The following AGGF1 variants were observed in gnomAD, a reference collection of about 807,000 sequenced individuals.
AGGF1 encodes the protein angiogenic factor with G-patch and FHA domains 1.
A neutral mutation model predicts 86.5 loss-of-function variants in AGGF1; 56 were observed. The observed-to-expected ratio is 0.65, with a 90% CI of 0.52 to 0.81. The LOEUF (loss-of-function observed/expected upper bound fraction) is 0.81, where lower values mean the gene tolerates loss of function less well. Among genes scored for constraint, AGGF1 ranks in the 30% least tolerant of loss-of-function variants. The pLI is 0.00. For missense variants in AGGF1, 816 were observed against 850.9 expected (o/e 0.96, Z 0.51); for synonymous variants, 313 against 297.1 (o/e 1.05, Z -0.55).
Position 77,030,464 on chromosome 5 carries a change from C to G in AGGF1, c.-303C>G. 1.7e-6 allele frequency: 1 copy of G among 583,350 alleles called. No individual in the cohort carries two copies. The highest frequency in any genetic ancestry group is 3.2e-6 in the Non-Finnish European group (1 of 309,844). 36.1% of individuals were successfully genotyped at this position (583,350 alleles called of 1,614,324 possible). A position where few individuals can be genotyped will look rare whatever the true frequency, so the allele number is the denominator to read the frequency against. The stretch of plus-strand genomic sequence containing the variant: ...GCTCTTCTGGCCTCTGGTTTTCCGA[C>G]TGCTTATCCGACGCTCCTCCCTCTG... On this transcript the variant is annotated 5_prime_UTR_variant, in exon 1 of 14. Transcript: ENST00000312916.
intron 11 of AGGF1, among the ~76,000 whole-genome samples, chr5:77,057,169 A>G (rs899241617): frequency 6.6e-6 from 1 of 152,206 alleles, no homozygotes; most frequent in African/African-American, 2.4e-5. Context: ...GGGAATGTAA[A>G]ATGGTGCGGT....
intron 3 of AGGF1, 44 bp downstream of exon 3, chr5:77,035,787 G>A (rs759381259): frequency 5.3e-6 from 8 of 1,522,760 alleles, no homozygotes; most frequent in Non-Finnish European, 7.3e-6. Flanking sequence ...CCAAGAACCT[G>A]TCCTTCTTTG....
At position 77,030,902 on chromosome 5, in the gene AGGF1, A is replaced by G. The variant is rs747837210; in HGVS notation, c.136A>G (p.Ile46Val). 1.2e-5 allele frequency: 20 copies of G among 1,613,382 alleles called. No homozygotes were observed. Among genetic ancestry groups the G allele is most frequent in the Non-Finnish European group, 1.6e-5 (19 of 1,179,992 alleles). The stretch of plus-strand genomic sequence containing the variant: ...GAGCTGCAAGCGGCAGGTGCGGGAG[A>G]TCGAGAAGCTGCTGCATCACACAGA... ...LRSCKRQVRE[I>V]EKLLHHTERL... The change falls in exon 1 of 14, where the codon ATC becomes GTC. Residue 46 changes from isoleucine to valine, a missense_variant. By Grantham distance (29) the Ile-to-Val change is conservative. Around this residue, in one of 3 missense-constraint regions of AGGF1, gnomAD observed 240 missense variants for 234.4 expected, o/e 1.02. Coordinates refer to ENST00000312916, the MANE Select transcript of AGGF1 (RefSeq NM_018046.5).
intron 5 of AGGF1, among the ~76,000 whole-genome samples, chr5:77,042,223 C>T (rs2150729409): frequency 6.6e-6 from 1 of 151,702 alleles, no homozygotes; most frequent in Middle Eastern, 3.4e-3. Flanking sequence ...TCTACACAGA[C>T]ACGGCAACCA....
At chr5:77,040,714 G>A (rs1413255055) in intron 5 of AGGF1, among the ~76,000 whole-genome samples, 2 of 152,100 alleles carry the variant, frequency 1.3e-5, no homozygotes, top group African/African-American at 4.8e-5. Flanking sequence ...TATAAAGGAG[G>A]CTTGTTTGTT....
intron 1 of AGGF1, among the ~76,000 whole-genome samples, chr5:77,032,246 A>AGTCATTGCAACTCAACAGT (rs1746868110): frequency 1.0e-5 from 1 of 99,866 alleles, no homozygotes. Flanking sequence ...GAAAATACAA[A>AGTCATTGCAACTCAACAGT]TATGGTAAAA....
intron 6 of AGGF1, among the ~76,000 whole-genome samples, chr5:77,047,679 A>G (rs1424975829): frequency 6.6e-6 from 1 of 151,974 alleles, no homozygotes; most frequent in Non-Finnish European, 1.5e-5. Context: ...ACGCACACCC[A>G]GCTAATTTTT....
At chr5:77,040,359 C>T (rs1747051269) in intron 5 of AGGF1, among the ~76,000 whole-genome samples, 1 of 151,638 alleles carries the variant, frequency 6.6e-6, no homozygotes, top group South Asian at 2.1e-4. Flanking sequence ...ATCCTCCTGC[C>T]TCTGCCTCCC....
At chr5:77,032,919 C>T (rs1230139421) in intron 1 of AGGF1, among the ~76,000 whole-genome samples, 1 of 151,220 alleles carries the variant, frequency 6.6e-6, no homozygotes, top group Non-Finnish European at 1.5e-5. Context: ...TCAATGTTCA[C>T]GTGGATTTAG....
At chr5:77,041,763 C>A in intron 5 of AGGF1, among the ~76,000 whole-genome samples, 1 of 147,500 alleles carries the variant, frequency 6.8e-6, no homozygotes. Context: ...TGAAAATGTG[C>A]GAATTCCAAG....
chr5:77,041,241 G>C (rs112529609), intron 5 of AGGF1, among the ~76,000 whole-genome samples: 1 of 151,878 alleles, frequency 6.6e-6, no homozygotes, highest in Non-Finnish European at 1.5e-5. Context: ...TTAATGGCTT[G>C]TGCTTGTTAC....
At chr5:77,049,991 T>C (rs2150732631) in intron 8 of AGGF1, among the ~76,000 whole-genome samples, 1 of 152,274 alleles carries the variant, frequency 6.6e-6, no homozygotes, top group South Asian at 2.1e-4. Flanking sequence ...TTTAACGGAC[T>C]GTAATGTGGA....
chr5:77,048,030 G>T, intron 6 of AGGF1, 131 bp from the exon 7 acceptor site: 1 of 703,700 alleles, frequency 1.4e-6, no homozygotes, highest in South Asian at 1.5e-5. Flanking sequence ...CAGAATTTAA[G>T]AAGTTTGTTT....
At position 77,035,685 on chromosome 5, in the gene AGGF1, C is replaced by T. The variant is rs557886707; in HGVS notation, c.458C>T (p.Thr153Ile). 6.2e-7 allele frequency: 1 copy of T among 1,613,568 alleles called. No homozygotes were observed. Among genetic ancestry groups the T allele is most frequent in the Non-Finnish European group, 8.5e-7 (1 of 1,179,736 alleles). Residue 153 changes from threonine (T) to isoleucine (I), a missense_variant, in exon 3 of 14, where the codon ACC becomes ATC. This residue lies in a region of AGGF1 where 240 missense variants were observed against 234.4 expected (regional missense o/e 1.02). Transcript: ENST00000312916. ...GTAGAAAATGATGCTTACCCTGGTA[C>T]CGATAGAACAGAAAATGTTAAATAT... ...LQVENDAYPGTDRTENVKYRQ... is the reference protein window; with the variant it reads ...LQVENDAYPGIDRTENVKYRQ...
In AGGF1 at chr5:77,053,564, TAAGAGTA is replaced by T. The variant is rs1242892951; in HGVS notation, c.1468-398_1468-392del. Among the ~76,000 whole-genome samples, 20 of 152,240 alleles carry T rather than the reference TAAGAGTA, an allele frequency of 1.3e-4. No individual in the cohort carries two copies. The East Asian group carries it at 3.7e-3, about 28-fold the overall frequency. Reference sequence around the variant, plus strand: ...GGCGGGAGGCCTTATTCTTAGTCTGTAAGAGTAAAAATGGAAATAAAACTGAGTTATC... The same window carrying T: ...GGCGGGAGGCCTTATTCTTAGTCTGTAAAATGGAAATAAAACTGAGTTATC... On this transcript the variant is annotated intron_variant, in intron 9 of 13. Coordinates refer to ENST00000312916, the MANE Select transcript of AGGF1 (RefSeq NM_018046.5).
chr5:77,048,447 G>A (rs529918180), intron 7 of AGGF1, among the ~76,000 whole-genome samples, 175 bp downstream of exon 7: 62 of 152,272 alleles, frequency 4.1e-4, no homozygotes, highest in Admixed American at 1.1e-3. Flanking sequence ...CGCCTCCTGG[G>A]TTCAAGCAGT....
chr5:77,043,408 G>T (rs867001650), intron 5 of AGGF1, among the ~76,000 whole-genome samples: 3 of 56,174 alleles, frequency 5.3e-5, no homozygotes, highest in Admixed American at 1.6e-4. Context: ...GGGCAGAGGG[G>T]CTCCTCACTT....
Position 77,030,960 on chromosome 5 carries a change from A to G in AGGF1, c.194A>G (p.Gln65Arg). Residue 65 changes from glutamine to arginine, a missense_variant, in exon 1 of 14, where the codon CAG (glutamine) becomes CGG (arginine). This residue lies in a region of AGGF1 where 240 missense variants were observed against 234.4 expected (regional missense o/e 1.02). Transcript: ENST00000312916. Reference protein sequence around the residue: ...RLYQNAESNNQELRTQVEELS... With the variant: ...RLYQNAESNNRELRTQVEELS... The stretch of plus-strand genomic sequence containing the variant: ...TACCAGAACGCAGAAAGCAACAACC[A>G]GGAGCTCCGCACGCAGGTGCGCGGT... 6.2e-7 allele frequency: 1 copy of G among 1,612,424 alleles called. No individual in the cohort carries two copies. Among genetic ancestry groups the G allele is most frequent in the Non-Finnish European group, 8.5e-7 (1 of 1,179,972 alleles).
At chr5:77,052,905 A>G (rs1747400284) in intron 9 of AGGF1, 98 bp downstream of exon 9, 1 of 1,020,532 alleles carries the variant, frequency 9.8e-7, no homozygotes, top group South Asian at 1.4e-5. Flanking sequence ...GGTTCAGAGT[A>G]GAGTTAAGCC....
Sources: gnomAD v4.1 joint callset for allele counts (sites outside exome capture counted in the v4.1 genomes callset) on GRCh38, gnomAD v4.1.1 for gene constraint, gnomAD v4.1.1 regional missense constraint, MANE v1.5 for transcripts, NCBI Gene and HGNC (gene_info 2026-07-23, HGNC 2026-07-21) for gene names.